MICU1: variants seen among roughly 807,000 people sequenced by gnomAD.
MICU1 encodes calcium uptake protein 1, mitochondrial.
Under a neutral mutation model 56.8 loss-of-function variants are expected in MICU1, and 45 were observed. The observed-to-expected ratio is 0.79, with a 90% CI of 0.62 to 1.02. The LOEUF is 1.02. Among genes scored for constraint, MICU1 ranks in the 50% least tolerant of loss-of-function variants. The probability of loss-of-function intolerance (pLI) is 0.00; values close to 1 mark genes in which losing one functional copy is unlikely to be tolerated. For synonymous variants in MICU1, 186 were observed against 195.1 expected, an observed-to-expected ratio of 0.95 and a Z score of 0.39; for missense variants, 504 against 587.1, an observed-to-expected ratio of 0.86 and a Z score of 1.46.
chr10:72,407,670 A>G (rs2132103030), intron 10 of MICU1, among the ~76,000 whole-genome samples: 1 of 152,320 alleles, frequency 6.6e-6, no homozygotes, highest in South Asian at 2.1e-4. Context: ...CCTGTGCCTC[A>G]GCTTAGATGC....
At chr10:72,517,454 G>A (rs963445369) in intron 5 of MICU1, among the ~76,000 whole-genome samples, 29 of 152,158 alleles carry the variant, frequency 1.9e-4, no homozygotes, top group South Asian at 8.3e-4. Flanking sequence ...AAAAAGGAAC[G>A]AATTAATGGC....
At chr10:72,466,600 A>C (rs1269205441) in intron 8 of MICU1, among the ~76,000 whole-genome samples, 1 of 152,226 alleles carries the variant, frequency 6.6e-6, no homozygotes, top group Non-Finnish European at 1.5e-5. Flanking sequence ...AATTAAATCA[A>C]GAGTCAGGTC....
intron 10 of MICU1, among the ~76,000 whole-genome samples, chr10:72,392,878 G>T (rs560495969): frequency 6.6e-6 from 1 of 152,272 alleles, no homozygotes; most frequent in Non-Finnish European, 1.5e-5. Context: ...AGGAGTGCTT[G>T]TAAGAGACAG....
chr10:72,539,814 A>G (rs1245661573), intron 4 of MICU1, among the ~76,000 whole-genome samples: 3 of 152,168 alleles, frequency 2.0e-5, no homozygotes, highest in Non-Finnish European at 4.4e-5. Flanking sequence ...AAATCTGATA[A>G]TACCAAGTGT....
At chr10:72,532,267 G>A (rs529001796) in intron 5 of MICU1, among the ~76,000 whole-genome samples, 8 of 151,372 alleles carry the variant, frequency 5.3e-5, no homozygotes, top group Admixed American at 2.0e-4. Flanking sequence ...GCAGTGAGCC[G>A]AGATTGCTCC....
At chr10:72,611,675 G>C (rs1002808251) in intron 1 of MICU1, among the ~76,000 whole-genome samples, 1 of 152,030 alleles carries the variant, frequency 6.6e-6, no homozygotes, top group Non-Finnish European at 1.5e-5. Context: ...TTTGACGAGA[G>C]GTACATGGTC....
At chr10:72,532,813 T>G in intron 5 of MICU1, 1 of 979,042 alleles carries the variant, frequency 1.0e-6, no homozygotes, top group Non-Finnish European at 1.2e-6. Context: ...AGCTGAGATC[T>G]CTCCCAAATC....
At chr10:72,486,224 C>T (rs193212573) in intron 6 of MICU1, among the ~76,000 whole-genome samples, 171 of 152,102 alleles carry the variant, frequency 1.1e-3, no homozygotes, top group Non-Finnish European at 1.7e-3. Context: ...TGGAAAGGAA[C>T]TAAAGGCATA....
intron 2 of MICU1, among the ~76,000 whole-genome samples, chr10:72,563,659 T>C (rs966424693): frequency 6.6e-6 from 1 of 152,226 alleles, no homozygotes; most frequent in Non-Finnish European, 1.5e-5. Flanking sequence ...TTCACAATGA[T>C]GTGAATACCC....
chr10:72,577,131 T>G (rs1414883586), intron 1 of MICU1, among the ~76,000 whole-genome samples: 1 of 151,876 alleles, frequency 6.6e-6, no homozygotes. Flanking sequence ...GGAGCTAAGC[T>G]ATGAGGGCAC....
intron 10 of MICU1, among the ~76,000 whole-genome samples, chr10:72,393,598 C>T (rs889684120): frequency 3.9e-5 from 6 of 152,028 alleles, no homozygotes; most frequent in African/African-American, 1.5e-4. Context: ...GGGGCCATGG[C>T]ATAGGTAGCC....
intron 4 of MICU1, among the ~76,000 whole-genome samples, chr10:72,550,865 C>G (rs1213808375): frequency 6.6e-6 from 1 of 152,104 alleles, no homozygotes; most frequent in Non-Finnish European, 1.5e-5. Flanking sequence ...TCTAGTTTTC[C>G]TCACTAAAGA....
At chr10:72,561,319 G>T (rs1840289154) in intron 3 of MICU1, among the ~76,000 whole-genome samples, 1 of 152,198 alleles carries the variant, frequency 6.6e-6, no homozygotes, top group Non-Finnish European at 1.5e-5. Flanking sequence ...TTACGAAATG[G>T]AAAGTGTGAC....
intron 10 of MICU1, among the ~76,000 whole-genome samples, chr10:72,383,106 C>T (rs1247376694): frequency 6.6e-6 from 1 of 151,948 alleles, no homozygotes; most frequent in African/African-American, 2.4e-5. Context: ...ATTAGTTGGG[C>T]ACGATGGTGC....
chr10:72,514,950 T>A (rs1564913122), intron 5 of MICU1, among the ~76,000 whole-genome samples: 4 of 152,194 alleles, frequency 2.6e-5, no homozygotes, highest in Admixed American at 6.6e-5. Context: ...GCTGCTACAG[T>A]ATTATTTACC....
chr10:72,412,352 G>A (rs1189082256), intron 9 of MICU1, among the ~76,000 whole-genome samples: 1 of 152,148 alleles, frequency 6.6e-6, no homozygotes, highest in Non-Finnish European at 1.5e-5. Flanking sequence ...TCTCTTAGAG[G>A]AGTTACTGTG....
chr10:72,382,267 G>A (rs1002856214), intron 10 of MICU1, among the ~76,000 whole-genome samples: 2 of 138,342 alleles, frequency 1.4e-5, no homozygotes, highest in Admixed American at 1.5e-4. Context: ...CTGCCACCAC[G>A]TCCGGCTAAT....
intron 1 of MICU1, among the ~76,000 whole-genome samples, chr10:72,607,988 G>A (rs188592049): frequency 6.6e-6 from 1 of 152,244 alleles, no homozygotes; most frequent in East Asian, 1.9e-4. Context: ...GAGTGACTGC[G>A]TGTTATGAGT....
intron 1 of MICU1, among the ~76,000 whole-genome samples, chr10:72,592,871 C>T (rs778027396): frequency 4.6e-5 from 7 of 151,602 alleles, no homozygotes; most frequent in Non-Finnish European, 1.0e-4. Flanking sequence ...CAACCTCTGC[C>T]TCCCGGGTTC....
Sources: gnomAD v4.1 joint callset for allele counts (sites outside exome capture counted in the v4.1 genomes callset) on GRCh38, gnomAD v4.1.1 for gene constraint, MANE v1.5 for transcripts, NCBI Gene and HGNC (gene_info 2026-07-23, HGNC 2026-07-21) for gene names.